Variants in THADA observed in about 807,000 individuals in gnomAD.
The protein encoded by THADA is THADA armadillo repeat containing, also known as tRNA (32-2'-O)-methyltransferase regulator THADA.
Under a neutral mutation model 219.8 loss-of-function variants are expected in THADA, and 213 were observed. That is an observed-to-expected ratio of 0.97 (90% CI 0.87 to 1.09). THADA has a LOEUF of 1.09. THADA is among the 50% of genes least tolerant of loss of function. The probability of loss-of-function intolerance (pLI) is 0.00; values close to 1 mark genes in which losing one functional copy is unlikely to be tolerated. For missense variants in THADA, 2,956 were observed against 2,311.3 expected (o/e 1.28, Z -5.72); for synonymous variants, 1,018 against 828.9 (o/e 1.23, Z -3.92).
At chr2:43,299,365 C>G (rs1479989034) in intron 31 of THADA, among the ~76,000 whole-genome samples, 2 of 152,062 alleles carry the variant, frequency 1.3e-5, no homozygotes, top group African/African-American at 4.8e-5. Context: ...ACAATAATAA[C>G]TATAAAAATC....
intron 36 of THADA, among the ~76,000 whole-genome samples, chr2:43,236,905 C>CA (rs57933660): frequency 0.11 from 13,229 of 115,240 alleles, 799 homozygotes; most frequent in South Asian, 0.22. Context: ...ACTAAAAATA[C>CA]AAAAAAAAAA....
At chr2:43,545,075 T>C (rs1308319325) in intron 20 of THADA, among the ~76,000 whole-genome samples, 1 of 152,238 alleles carries the variant, frequency 6.6e-6, no homozygotes, top group Middle Eastern at 3.2e-3. Context: ...ATTGAGTTTT[T>C]AGCATGAAGC....
At chr2:43,345,967 T>C (rs951326913) in intron 29 of THADA, among the ~76,000 whole-genome samples, 3 of 152,212 alleles carry the variant, frequency 2.0e-5, no homozygotes, top group Non-Finnish European at 4.4e-5. Flanking sequence ...CTCTGGTTTA[T>C]GAAAATCAGC....
intron 4 of THADA, among the ~76,000 whole-genome samples, chr2:43,590,501 C>G (rs1239486596): frequency 6.6e-6 from 1 of 152,020 alleles, no homozygotes; most frequent in African/African-American, 2.4e-5. Flanking sequence ...ATGGTGAAAC[C>G]ACATCTCTAC....
intron 24 of THADA, among the ~76,000 whole-genome samples, chr2:43,503,588 G>A (rs995870517): frequency 1.3e-5 from 2 of 152,038 alleles, no homozygotes; most frequent in Non-Finnish European, 2.9e-5. Context: ...AACGGTCTCT[G>A]TAATGTTTAA....
At position 43,302,785 on chromosome 2, in the gene THADA, C is replaced by T. The variant is rs568172779; in HGVS notation, c.4439-9572G>A. 5.6e-4 allele frequency among the ~76,000 whole-genome samples: 85 copies of T among 152,192 alleles called. 1 individual carries two copies. The highest frequency in any genetic ancestry group is 2.1e-4 in the South Asian group (1 of 4,812). On this transcript the variant is annotated intron_variant, in intron 31 of 37. Coordinates refer to ENST00000405975, the MANE Select transcript of THADA (RefSeq NM_022065.5). Reference sequence around the variant, plus strand: ...AAAAAGATGTAGCCAGGTATCGTGGCGTGCACCTGTAGTTCCAGCTAGCTG... The same window carrying T: ...AAAAAGATGTAGCCAGGTATCGTGGTGTGCACCTGTAGTTCCAGCTAGCTG...
chr2:43,529,580 C>T (rs1263570331), intron 21 of THADA, among the ~76,000 whole-genome samples: 1 of 152,156 alleles, frequency 6.6e-6, no homozygotes, highest in Non-Finnish European at 1.5e-5. Flanking sequence ...ATAGAATTAA[C>T]TTTTAAGCTG....
intron 28 of THADA, among the ~76,000 whole-genome samples, chr2:43,415,002 T>C (rs545601642): frequency 3.9e-5 from 6 of 152,364 alleles, no homozygotes; most frequent in East Asian, 3.9e-4. Flanking sequence ...GAGCAAATTC[T>C]AATGGGAAAG....
At chr2:43,573,074 T>A (rs540770396) in intron 11 of THADA, 82 bp from the exon 12 acceptor site, 2 of 1,130,934 alleles carry the variant, frequency 1.8e-6, no homozygotes, top group Non-Finnish European at 1.2e-6. Context: ...ATGTTTCCAA[T>A]TAACATTTTA....
At chr2:43,532,744 T>C (rs1011498488) in intron 21 of THADA, among the ~76,000 whole-genome samples, 2 of 152,120 alleles carry the variant, frequency 1.3e-5, no homozygotes, top group Non-Finnish European at 2.9e-5. Flanking sequence ...ATTGGAAGTT[T>C]TGGCCAGAGC....
chr2:43,316,445 G>A (rs1466378608), intron 31 of THADA, among the ~76,000 whole-genome samples: 1 of 152,198 alleles, frequency 6.6e-6, no homozygotes, highest in African/African-American at 2.4e-5. Flanking sequence ...AGGGACAGGG[G>A]CAACCCTAAT....
At chr2:43,380,579 T>C (rs969446967) in intron 29 of THADA, among the ~76,000 whole-genome samples, 6 of 152,160 alleles carry the variant, frequency 3.9e-5, no homozygotes, top group African/African-American at 1.4e-4. Context: ...GAAATAGACA[T>C]GTGTGCATAA....
chr2:43,295,876 C>A (rs1027604717), intron 31 of THADA, among the ~76,000 whole-genome samples: 7 of 151,566 alleles, frequency 4.6e-5, no homozygotes, highest in Admixed American at 6.6e-5. Context: ...ATGATGGGAC[C>A]CCAGGGAGGC....
chr2:43,494,055 C>G (rs150788756), intron 25 of THADA, among the ~76,000 whole-genome samples: 1 of 152,218 alleles, frequency 6.6e-6, no homozygotes, highest in Admixed American at 6.5e-5. Context: ...GTTCATCCAG[C>G]CACTTTCAGA....
rs547607796 is a variant in THADA, at chr2:43,328,847, A to C, written c.4344-8307T>G. 4.6e-4 allele frequency among the ~76,000 whole-genome samples: 70 copies of C among 152,316 alleles called. 1 individual carries two copies. In the South Asian group the frequency reaches 0.014, roughly 31 times the overall value. On this transcript the variant is annotated intron_variant, in intron 30 of 37. Transcript: ENST00000405975. ...GGATTGCTGCTGCTGGAGGAAGCCC[A>C]CAGCTTCAATGCCATGCCTTTGCCT...
chr2:43,327,057 G>A (rs186293793), intron 30 of THADA, among the ~76,000 whole-genome samples: 1 of 152,118 alleles, frequency 6.6e-6, no homozygotes, highest in African/African-American at 2.4e-5. Context: ...GATCTTGTTG[G>A]GGGAGGGGTA....
At chr2:43,433,233 A>G (rs1181238201) in intron 26 of THADA, among the ~76,000 whole-genome samples, 2 of 152,038 alleles carry the variant, frequency 1.3e-5, no homozygotes, top group African/African-American at 4.8e-5. Flanking sequence ...GATATGCCTT[A>G]AAAAGGAGAT....
rs984470858 is a variant in THADA, at chr2:43,347,186, T to C, written c.4228-2949A>G. On this transcript the variant is annotated intron_variant, in intron 29 of 37. Transcript: ENST00000405975. ...GGCAGAGATAGGTGTAAACCAGTTA[T>C]CAGTTTTGCGGCTTTGGGCAACTTA... is the stretch of plus-strand genomic sequence containing the variant. 1.3e-3 allele frequency among the ~76,000 whole-genome samples: 191 copies of C among 152,348 alleles called. 1 individual carries two copies. The highest frequency in any genetic ancestry group is 4.4e-3 in the African/African-American group (182 of 41,582).
chr2:43,423,880 G>A (rs184955807), intron 28 of THADA, among the ~76,000 whole-genome samples: 4 of 152,298 alleles, frequency 2.6e-5, no homozygotes, highest in Admixed American at 2.6e-4. Flanking sequence ...AAAGCCCAGA[G>A]AAGCAGGCCC....
Sources: gnomAD v4.1 joint callset for allele counts (sites outside exome capture counted in the v4.1 genomes callset) on GRCh38, gnomAD v4.1.1 for gene constraint, MANE v1.5 for transcripts, NCBI Gene and HGNC (gene_info 2026-07-23, HGNC 2026-07-21) for gene names.